Variants in GRID2 observed in about 807,000 individuals in gnomAD.
The protein encoded by GRID2 is glutamate receptor ionotropic, delta-2.
GRID2 carries 33 observed loss-of-function variants against 114.8 expected under a neutral mutation model. That is an observed-to-expected ratio of 0.29 (90% CI 0.22 to 0.38). The LOEUF (loss-of-function observed/expected upper bound fraction) is 0.38, where lower values mean the gene tolerates loss of function less well. GRID2 is among the 10% of genes least tolerant of loss of function. The pLI is 1.00. For missense variants in GRID2, 1,184 were observed against 1,257.7 expected (o/e 0.94, Z 0.89); for synonymous variants, 505 against 449.9 (o/e 1.12, Z -1.55).
intron 3 of GRID2, among the ~76,000 whole-genome samples, chr4:93,105,867 A>G (rs370512924): frequency 3.3e-5 from 5 of 152,150 alleles, no homozygotes; most frequent in Non-Finnish European, 4.4e-5. Flanking sequence ...TTTTAAGATC[A>G]GACAATTAAC....
At chr4:93,300,712 G>A (rs1031398265) in intron 8 of GRID2, among the ~76,000 whole-genome samples, 8 of 152,204 alleles carry the variant, frequency 5.3e-5, no homozygotes, top group African/African-American at 1.4e-4. Flanking sequence ...AGTTGTAGAC[G>A]GTAGGGCTTT....
At position 93,108,535 on chromosome 4, in the gene GRID2, C is replaced by T. The variant is rs79364895; in HGVS notation, c.530-2213C>T. Reference sequence around the variant, plus strand: ...TCAGTGTTACTTTTGTTTTGTTTGCCTTGTATTCAGATGTACAATTTAAGT... The same window carrying T: ...TCAGTGTTACTTTTGTTTTGTTTGCTTTGTATTCAGATGTACAATTTAAGT... On this transcript the variant is annotated intron_variant, in intron 3 of 15. Coordinates refer to ENST00000282020, the MANE Select transcript of GRID2 (RefSeq NM_001510.4). 3.9e-4 allele frequency among the ~76,000 whole-genome samples: 59 copies of T among 152,110 alleles called. 1 individual carries two copies. The East Asian group carries it at 9.8e-3, about 25-fold the overall frequency.
chr4:93,245,790 T>C lies in GRID2; in HGVS notation c.1245+7300T>C, dbSNP rs73837733. On this transcript the variant is annotated intron_variant, in intron 8 of 15. Transcript: ENST00000282020. ...TAACATGTGAATAGTAATACTTATCTCTCAGGATTTTTGTAAGGATTAATT... is the reference window on the plus strand; with the variant it reads ...TAACATGTGAATAGTAATACTTATCCCTCAGGATTTTTGTAAGGATTAATT... Among the ~76,000 whole-genome samples the C allele has an allele frequency of 2.6e-3, 389 of 152,312 alleles. 1 individual carries two copies. Among genetic ancestry groups the C allele is most frequent in the African/African-American group, 9.0e-3 (375 of 41,568 alleles).
intron 4 of GRID2, among the ~76,000 whole-genome samples, chr4:93,200,382 C>T (rs536733847): frequency 9.2e-5 from 14 of 151,818 alleles, no homozygotes; most frequent in Admixed American, 1.3e-4. Context: ...CTGGCTAACA[C>T]GGTGAAACCC....
intron 2 of GRID2, among the ~76,000 whole-genome samples, chr4:92,809,658 G>A (rs1414283568): frequency 6.6e-6 from 1 of 151,844 alleles, no homozygotes; most frequent in African/African-American, 2.4e-5. Context: ...TCTCCTTCTT[G>A]ATCTGACATT....
chr4:93,052,288 G>T (rs1384791172), intron 2 of GRID2, among the ~76,000 whole-genome samples: 2 of 151,876 alleles, frequency 1.3e-5, no homozygotes, highest in African/African-American at 4.8e-5. Context: ...TTCATGGAGA[G>T]GGCAGCTGTT....
chr4:92,846,378 G>A (rs1229858892), intron 2 of GRID2, among the ~76,000 whole-genome samples: 1 of 152,004 alleles, frequency 6.6e-6, no homozygotes, highest in Non-Finnish European at 1.5e-5. Flanking sequence ...ATGTCTATGT[G>A]TACCCAGTGT....
Position 93,591,250 on chromosome 4 carries a change from G to A in GRID2, c.2194-35019G>A, listed in dbSNP as rs898221614. ...GTCCCATCAATACCTAATTTATTGA[G>A]AGTTTTTAGCATGAAAAGTTGTTGA... On this transcript the variant is annotated intron_variant, in intron 13 of 15. Coordinates refer to ENST00000282020, the MANE Select transcript of GRID2 (RefSeq NM_001510.4). Among the ~76,000 whole-genome samples, 172 of 151,730 alleles carry A rather than the reference G, an allele frequency of 1.1e-3. 1 individual carries two copies. Among genetic ancestry groups the A allele is most frequent in the African/African-American group, 4.0e-3 (166 of 41,414 alleles).
chr4:92,575,249 G>A (rs777585407), intron 1 of GRID2, among the ~76,000 whole-genome samples: 11 of 152,124 alleles, frequency 7.2e-5, no homozygotes, highest in Non-Finnish European at 1.5e-4. Flanking sequence ...TTTGCATTGG[G>A]TTACAACATG....
intron 10 of GRID2, 28 bp downstream of exon 10, chr4:93,422,996 A>C: frequency 1.4e-6 from 2 of 1,459,636 alleles, no homozygotes; most frequent in Non-Finnish European, 1.9e-6. Flanking sequence ...TATTTGTCTC[A>C]TACTTAAAGG....
intron 5 of GRID2, among the ~76,000 whole-genome samples, chr4:93,212,794 CAG>C (rs893335288): frequency 3.4e-5 from 5 of 148,752 alleles, no homozygotes; most frequent in African/African-American, 1.2e-4. Context: ...TCTTTTTTGA[CAG>C]AGTTTTACTC....
chr4:92,428,055 G>A (rs1732245845), intron 1 of GRID2, among the ~76,000 whole-genome samples: 1 of 152,030 alleles, frequency 6.6e-6, no homozygotes. Flanking sequence ...GAGGTCAGGA[G>A]ATCAAGACCA....
intron 2 of GRID2, among the ~76,000 whole-genome samples, chr4:92,741,213 G>T (rs1399763466): frequency 6.6e-6 from 1 of 152,006 alleles, no homozygotes; most frequent in Non-Finnish European, 1.5e-5. Context: ...TGTAAAATGG[G>T]GAAAGTGATT....
chr4:92,380,917 A>G (rs139580493), intron 1 of GRID2, among the ~76,000 whole-genome samples: 38 of 152,134 alleles, frequency 2.5e-4, no homozygotes, highest in African/African-American at 8.4e-4. Flanking sequence ...CTATAATACT[A>G]TATCTCCTCT....
chr4:92,880,750 TG>T (rs1030757635), intron 2 of GRID2, among the ~76,000 whole-genome samples: 12 of 152,164 alleles, frequency 7.9e-5, no homozygotes, highest in African/African-American at 2.9e-4. Flanking sequence ...GACATAATTT[TG>T]CTCTTTTCTG....
At chr4:93,737,006 A>G (rs943556562) in intron 14 of GRID2, among the ~76,000 whole-genome samples, 1 of 152,018 alleles carries the variant, frequency 6.6e-6, no homozygotes, top group Non-Finnish European at 1.5e-5. Flanking sequence ...TTGAGGTTTC[A>G]TTCTCACCTT....
At chr4:92,688,459 T>A (rs938331755) in intron 2 of GRID2, among the ~76,000 whole-genome samples, 1 of 152,194 alleles carries the variant, frequency 6.6e-6, no homozygotes, top group Non-Finnish European at 1.5e-5. Context: ...AGCTGCTGTA[T>A]CAACTACATT....
At chr4:92,606,216 G>A (rs999941941) in intron 2 of GRID2, among the ~76,000 whole-genome samples, 1 of 151,982 alleles carries the variant, frequency 6.6e-6, no homozygotes, top group African/African-American at 2.4e-5. Flanking sequence ...AAAGCCAATA[G>A]TAAGAGACAT....
At chr4:92,493,790 C>G (rs1484559587) in intron 1 of GRID2, among the ~76,000 whole-genome samples, 1 of 151,986 alleles carries the variant, frequency 6.6e-6, no homozygotes, top group Non-Finnish European at 1.5e-5. Context: ...ACAGTTTGAC[C>G]TTTTTTAGCC....
Sources: allele counts gnomAD v4.1 joint callset (sites outside exome capture counted in the v4.1 genomes callset), GRCh38; gene constraint gnomAD v4.1.1; transcripts MANE v1.5; gene names NCBI Gene and HGNC (gene_info 2026-07-23, HGNC 2026-07-21).